The following ABL2 variants were observed in gnomAD, a reference collection of about 807,000 sequenced individuals.
ABL2 encodes the protein tyrosine-protein kinase ABL2.
ABL2 carries 49 observed loss-of-function variants against 107.7 expected under a neutral mutation model. The ratio of observed to expected loss-of-function variants is 0.45; its 90% CI spans 0.36 to 0.58. The LOEUF (loss-of-function observed/expected upper bound fraction) is 0.58, where lower values mean the gene tolerates loss of function less well. ABL2 is among the 20% of genes least tolerant of loss of function. ABL2 has a pLI of 0.00. For missense variants in ABL2, 1,245 were observed against 1,457.0 expected (o/e 0.85, Z 2.37); for synonymous variants, 549 against 548.6 (o/e 1.00, Z -0.01).
intron 1 of ABL2, among the ~76,000 whole-genome samples, chr1:179,149,381 G>T (rs1236691024): frequency 6.6e-6 from 1 of 152,230 alleles, no homozygotes; most frequent in African/African-American, 2.4e-5. Context: ...TAACATAAAA[G>T]TACAAGGTGA....
Position 179,176,916 on chromosome 1 carries a change from G to A in ABL2, c.158-43542C>T, listed in dbSNP as rs2816195. ...TTGCCATGTTGGTCAGGCTGGTCTC[G>A]AACTCCTGATCTCAGGTGATCTGCC... On this transcript the variant is annotated intron_variant, in intron 1 of 11. Transcript: ENST00000502732. 4.0e-5 allele frequency among the ~76,000 whole-genome samples: 6 copies of A among 151,880 alleles called. 1 individual carries two copies. The South Asian group carries it at 6.3e-4, about 16-fold the overall frequency.
chr1:179,218,421 C>T (rs1484607813), intron 1 of ABL2, among the ~76,000 whole-genome samples: 1 of 151,818 alleles, frequency 6.6e-6, no homozygotes, highest in Non-Finnish European at 1.5e-5. Flanking sequence ...TTTTTTGAGA[C>T]AGTCTCGCTC....
Position 179,126,336 on chromosome 1 carries a change from T to A in ABL2, c.687+41A>T. On this transcript the variant is annotated intron_variant, in intron 4 of 11. Transcript: ENST00000502732. The surrounding 1 kb of genome is among the most constrained non-coding windows in gnomAD (Gnocchi z 4.4). ...TCACGTTGAATATTATTTCACAGAG[T>A]AGCCAGTCCATGCTTAAAGGTGGTG... 2 of 1,573,746 alleles carry A rather than the reference T, an allele frequency of 1.3e-6. No individual in the cohort carries two copies. The highest frequency in any genetic ancestry group is 1.7e-6 in the Non-Finnish European group (2 of 1,148,140).
At chr1:179,228,141 G>A (rs1663332686) in intron 1 of ABL2, among the ~76,000 whole-genome samples, 1 of 150,216 alleles carries the variant, frequency 6.7e-6, no homozygotes, top group Non-Finnish European at 1.5e-5. Context: ...AAGGCAGGCA[G>A]ATTACCTGAT....
chr1:179,133,372 G>A lies in ABL2; in HGVS notation c.160C>T (p.His54Tyr), dbSNP rs1656529052. ...TGFNIFTQHD[H>Y]FASCVEDGFE... ...CCATCCTCCACACAGCTGGCAAAGTGATCTATTTAAGAAAAAAATTGACCA... is the reference window on the plus strand; with the variant it reads ...CCATCCTCCACACAGCTGGCAAAGTAATCTATTTAAGAAAAAAATTGACCA... The change falls in exon 2 of 12, where the codon CAC (histidine) becomes TAC (tyrosine). Residue 54 changes from histidine to tyrosine, a missense_variant and splice_region_variant. By Grantham distance (83) the His-to-Tyr change is moderately conservative. Around this residue, in one of 3 missense-constraint regions of ABL2, gnomAD observed 164 missense variants for 143.7 expected, o/e 1.14. Coordinates refer to ENST00000502732, the MANE Select transcript of ABL2 (RefSeq NM_007314.4). 1 of 1,613,868 alleles carries A rather than the reference G, an allele frequency of 6.2e-7. No homozygotes were observed. Among genetic ancestry groups the A allele is most frequent in the Non-Finnish European group, 8.5e-7 (1 of 1,179,998 alleles).
At chr1:179,167,923 G>A (rs1166843480) in intron 1 of ABL2, among the ~76,000 whole-genome samples, 5 of 152,166 alleles carry the variant, frequency 3.3e-5, no homozygotes, top group Non-Finnish European at 5.9e-5. Flanking sequence ...AGGTTGCAAT[G>A]AGCCGAGATC....
At chr1:179,177,522 T>C (rs55950345) in intron 1 of ABL2, among the ~76,000 whole-genome samples, 1 of 152,292 alleles carries the variant, frequency 6.6e-6, no homozygotes, top group African/African-American at 2.4e-5. Context: ...CAACAAAACT[T>C]CAAGAAACAG....
chr1:179,156,920 A>AATAC (rs1658729413), intron 1 of ABL2, among the ~76,000 whole-genome samples: 1 of 124,792 alleles, frequency 8.0e-6, no homozygotes, highest in Admixed American at 9.0e-5. Context: ...TAAATAAATA[A>AATAC]ATAAATAAAT....
Position 179,178,166 on chromosome 1 carries a change from G to A in ABL2, c.158-44792C>T, listed in dbSNP as rs1189265452. On this transcript the variant is annotated intron_variant, in intron 1 of 11. Coordinates refer to ENST00000502732, the MANE Select transcript of ABL2 (RefSeq NM_007314.4). ...TAATCCCAGCACTTTGGGAGGCTGA[G>A]GCGGATAGATCACTTGACGTAAAGA... Among the ~76,000 whole-genome samples the A allele has an allele frequency of 3.3e-5, 5 of 152,118 alleles. No individual in the cohort carries two copies. In the East Asian group the frequency reaches 9.6e-4, roughly 29 times the overall value.
intron 1 of ABL2, among the ~76,000 whole-genome samples, chr1:179,223,522 C>T (rs1187508559): frequency 1.3e-5 from 2 of 151,918 alleles, no homozygotes; most frequent in Non-Finnish European, 2.9e-5. Context: ...AATTTTACTG[C>T]CAAGTGGGCT....
intron 1 of ABL2, chr1:179,202,064 CA>C (rs1411998675): frequency 1.9e-5 from 5 of 259,818 alleles, no homozygotes; most frequent in Non-Finnish European, 3.1e-5. Context: ...CTTTTTGAGG[CA>C]AAAGAAAAAA....
Position 179,131,066 on chromosome 1 carries a change from G to C in ABL2, c.391+245C>G, listed in dbSNP as rs12083099. 9.8e-3 allele frequency: 2,552 copies of C among 261,498 alleles called. 74 individuals carry two copies. The highest frequency in any genetic ancestry group is 0.051 in the African/African-American group (2,364 of 46,308). 16.2% of individuals were successfully genotyped at this position (261,498 alleles called of 1,614,324 possible). ...AGTGATTCTCATGCCTCAGCCTCCTGAGTAGCTGGGACTACAGGCATGGGC... is the reference window on the plus strand; with the variant it reads ...AGTGATTCTCATGCCTCAGCCTCCTCAGTAGCTGGGACTACAGGCATGGGC... On this transcript the variant is annotated intron_variant, in intron 3 of 11. Coordinates refer to ENST00000502732, the MANE Select transcript of ABL2 (RefSeq NM_007314.4).
intron 1 of ABL2, among the ~76,000 whole-genome samples, chr1:179,147,074 A>T (rs1034083768): frequency 2.0e-5 from 3 of 149,046 alleles, no homozygotes; most frequent in African/African-American, 4.9e-5. Flanking sequence ...AAAAAAAAAA[A>T]TTTAAAAAGT....
chr1:179,199,427 A>G lies in ABL2; in HGVS notation c.157+29814T>C, dbSNP rs1428254739. ...TTTCTTCTCTCCTACTAATCTTCCT[A>G]TGCAACCTCACATCAAACAATAAAC... is the stretch of plus-strand genomic sequence containing the variant. On this transcript the variant is annotated intron_variant, in intron 1 of 11. Coordinates refer to ENST00000502732, the MANE Select transcript of ABL2 (RefSeq NM_007314.4). Among the ~76,000 whole-genome samples the G allele has an allele frequency of 2.6e-5, 4 of 152,304 alleles. No homozygotes were observed. The East Asian group carries it at 7.7e-4, about 29-fold the overall frequency.
At position 179,108,329 on chromosome 1, in the gene ABL2, G is replaced by A. The variant is rs1410905363; in HGVS notation, c.2938C>T (p.Pro980Ser). 2 of 1,614,106 alleles carry A rather than the reference G, an allele frequency of 1.2e-6. No individual in the cohort carries two copies. The highest frequency in any genetic ancestry group is 2.7e-5 in the African/African-American group (2 of 74,930). ...GGTGGTGGGGGTGGGGCACACTTTG[G>A]TTTTACCCGTCGGGGTCGGTCCTTG... ...GDKDRPRRVK[P>S]KCAPPPPPVM... The change falls in exon 12 of 12, where the codon CCA (proline) becomes TCA (serine). Residue 980 changes from proline (P) to serine (S), a missense_variant. Physicochemically the swap from Pro to Ser is moderately conservative, Grantham distance 74. Around this residue, in one of 3 missense-constraint regions of ABL2, gnomAD observed 761 missense variants for 766.4 expected, o/e 0.99. Coordinates refer to ENST00000502732, the MANE Select transcript of ABL2 (RefSeq NM_007314.4).
At chr1:179,226,744 C>G (rs1018371989) in intron 1 of ABL2, among the ~76,000 whole-genome samples, 1 of 152,136 alleles carries the variant, frequency 6.6e-6, no homozygotes, top group African/African-American at 2.4e-5. Flanking sequence ...AATGAAGAGT[C>G]CAAGACACAA....
chr1:179,147,624 A>T (rs1030473759), intron 1 of ABL2, among the ~76,000 whole-genome samples: 2 of 152,246 alleles, frequency 1.3e-5, no homozygotes, highest in African/African-American at 4.8e-5. Context: ...ACAGAAAGCC[A>T]AAAACCCTAT....
chr1:179,162,635 A>G (rs912782961), intron 1 of ABL2, among the ~76,000 whole-genome samples: 3 of 152,182 alleles, frequency 2.0e-5, no homozygotes, highest in Non-Finnish European at 4.4e-5. Flanking sequence ...TAGCTAGAGC[A>G]TGTAATGTAT....
At chr1:179,206,615 G>A (rs879765596) in intron 1 of ABL2, among the ~76,000 whole-genome samples, 8 of 151,848 alleles carry the variant, frequency 5.3e-5, no homozygotes, top group East Asian at 1.9e-4. Context: ...GAATATACAC[G>A]GATACAGGTA....
Sources: allele counts gnomAD v4.1 joint callset (sites outside exome capture counted in the v4.1 genomes callset), GRCh38; gene constraint gnomAD v4.1.1; regional missense constraint gnomAD v4.1.1; non-coding constraint Gnocchi (gnomAD v3.1); transcripts MANE v1.5; gene names NCBI Gene and HGNC (gene_info 2026-07-23, HGNC 2026-07-21).